The following NRF1 variants were observed in gnomAD, a reference collection of about 807,000 sequenced individuals.
NRF1 encodes the protein nuclear respiratory factor 1, also known as alpha palindromic-binding protein.
Under a neutral mutation model 58.5 loss-of-function variants are expected in NRF1, and 5 were observed. The ratio of observed to expected loss-of-function variants is 0.09; its 90% CI spans 0.04 to 0.18. The LOEUF is 0.18. NRF1 is among the 10% of genes least tolerant of loss of function. The pLI is 1.00. For missense variants in NRF1, 288 were observed against 657.7 expected, an observed-to-expected ratio of 0.44 and a Z score of 6.15; for synonymous variants, 224 against 246.7, an observed-to-expected ratio of 0.91 and a Z score of 0.86.
chr7:129,697,567 G>A (rs1461773751), intron 5 of NRF1, among the ~76,000 whole-genome samples: 3 of 151,834 alleles, frequency 2.0e-5, no homozygotes, highest in African/African-American at 4.8e-5. Context: ...AAAAATTGAG[G>A]CATAAATAGA....
intron 1 of NRF1, among the ~76,000 whole-genome samples, chr7:129,632,149 A>AC (rs1801063338): frequency 6.6e-6 from 1 of 152,068 alleles, no homozygotes; most frequent in Non-Finnish European, 1.5e-5. Context: ...GGTAATGTGC[A>AC]CGTAGTCCCA....
At chr7:129,621,751 T>C (rs1800800851) in intron 1 of NRF1, among the ~76,000 whole-genome samples, 1 of 151,824 alleles carries the variant, frequency 6.6e-6, no homozygotes, top group African/African-American at 2.4e-5. Flanking sequence ...AATTTTTGGC[T>C]CTATTATTTT....
rs116828442 is a variant in NRF1 at position 129,745,111 on chromosome 7, T to C, written c.1349-9907T>C. Among the ~76,000 whole-genome samples, 892 of 152,320 alleles carry C rather than the reference T, an allele frequency of 5.9e-3. 11 individuals carry two copies. Among genetic ancestry groups the C allele is most frequent in the African/African-American group, 0.02 (835 of 41,568 alleles). On this transcript the variant is annotated intron_variant, in intron 10 of 10. Coordinates refer to ENST00000393232, the MANE Select transcript of NRF1 (RefSeq NM_005011.5). ...GCTGTTCATTTCTGCACCTGACTGTTGCAGGCTCCTGGTGACTTTCTTCTT... is the reference window on the plus strand; with the variant it reads ...GCTGTTCATTTCTGCACCTGACTGTCGCAGGCTCCTGGTGACTTTCTTCTT...
At chr7:129,691,492 TTATAGG>T in intron 5 of NRF1, among the ~76,000 whole-genome samples, 1 of 151,580 alleles carries the variant, frequency 6.6e-6, no homozygotes, top group East Asian at 1.9e-4. Context: ...ATAGCTGTGA[TTATAGG>T]TGCGGGCTAC....
chr7:129,670,166 G>A (rs931538566), intron 2 of NRF1, among the ~76,000 whole-genome samples: 13 of 152,228 alleles, frequency 8.5e-5, no homozygotes, highest in Admixed American at 6.5e-4. Flanking sequence ...GAGAATGGTG[G>A]TTGCCAGGGT....
chr7:129,714,229 T>A (rs1225062822), intron 8 of NRF1, among the ~76,000 whole-genome samples: 3 of 152,270 alleles, frequency 2.0e-5, no homozygotes, highest in Non-Finnish European at 2.9e-5. Context: ...CCATGCCATA[T>A]AATTTAACTT....
chr7:129,632,062 G>A (rs891720692), intron 1 of NRF1, among the ~76,000 whole-genome samples: 1 of 152,116 alleles, frequency 6.6e-6, no homozygotes, highest in African/African-American at 2.4e-5. Context: ...ACTGCTTGAG[G>A]CCAGTAGTTC....
intron 2 of NRF1, among the ~76,000 whole-genome samples, chr7:129,668,517 C>T (rs564795853): frequency 1.3e-5 from 2 of 152,282 alleles, no homozygotes; most frequent in East Asian, 3.9e-4. Context: ...TTTATTTGAA[C>T]TGTATTAAAT....
chr7:129,731,611 C>CTTTGTTTGT (rs149586663), intron 10 of NRF1, among the ~76,000 whole-genome samples: 2 of 149,700 alleles, frequency 1.3e-5, no homozygotes, highest in Non-Finnish European at 3.0e-5. Context: ...CCTTCCTTTA[C>CTTTGTTTGT]TTGTTTGTTT....
chr7:129,729,490 C>G (rs543382545), intron 10 of NRF1, among the ~76,000 whole-genome samples: 1 of 152,338 alleles, frequency 6.6e-6, no homozygotes, highest in Admixed American at 6.5e-5. Flanking sequence ...TTGCTGAACT[C>G]AGGCCTTGAG....
chr7:129,641,616 T>G (rs1801290430), intron 1 of NRF1: 1 of 152,226 alleles, frequency 6.6e-6, no homozygotes, highest in Non-Finnish European at 1.5e-5. Flanking sequence ...CTCAAAATGT[T>G]TATGTCTTTT....
At chr7:129,651,306 G>T (rs1402306301) in intron 1 of NRF1, among the ~76,000 whole-genome samples, 3 of 151,822 alleles carry the variant, frequency 2.0e-5, no homozygotes, top group African/African-American at 7.3e-5. Context: ...TGTAATCCTA[G>T]CTACTTGGGA....
intron 10 of NRF1, among the ~76,000 whole-genome samples, chr7:129,743,840 AAATT>A (rs1803905680): frequency 6.6e-6 from 1 of 152,204 alleles, no homozygotes; most frequent in Non-Finnish European, 1.5e-5. Context: ...TAGGGAATAC[AAATT>A]AGTTTTCATA....
chr7:129,754,936 CA>C, intron 10 of NRF1, 81 bp from the exon 11 acceptor site: 1 of 1,409,198 alleles, frequency 7.1e-7, no homozygotes, highest in Non-Finnish European at 9.4e-7. Flanking sequence ...ACCTCAAAGG[CA>C]AGACTTGGGT....
chr7:129,650,638 A>C (rs1801512550), intron 1 of NRF1, among the ~76,000 whole-genome samples: 1 of 152,136 alleles, frequency 6.6e-6, no homozygotes, highest in Admixed American at 6.5e-5. Context: ...AATTAATGTC[A>C]GGCACTTATT....
intron 5 of NRF1, among the ~76,000 whole-genome samples, chr7:129,698,990 T>C (rs1000245489): frequency 1.3e-5 from 2 of 152,202 alleles, no homozygotes; most frequent in Non-Finnish European, 2.9e-5. Flanking sequence ...AGAAGAATCA[T>C]CACTGGAAAG....
intron 1 of NRF1, among the ~76,000 whole-genome samples, chr7:129,646,279 T>C (rs1801403768): frequency 6.6e-6 from 1 of 152,258 alleles, no homozygotes; most frequent in Non-Finnish European, 1.5e-5. Flanking sequence ...CACTTCTTTA[T>C]TGAGGGTATG....
At chr7:129,672,200 C>CTTTTTTT (rs58022845) in intron 3 of NRF1, among the ~76,000 whole-genome samples, 1 of 116,892 alleles carries the variant, frequency 8.6e-6, no homozygotes, top group Non-Finnish European at 1.7e-5. Flanking sequence ...GCCAGGAGAT[C>CTTTTTTT]TTTTTTTTTT....
At chr7:129,634,645 A>C (rs529219431) in intron 1 of NRF1, among the ~76,000 whole-genome samples, 1 of 152,318 alleles carries the variant, frequency 6.6e-6, no homozygotes, top group South Asian at 2.1e-4. Context: ...AACTGCTGTG[A>C]ATATTTATTT....
Sources: allele counts gnomAD v4.1 joint callset (sites outside exome capture counted in the v4.1 genomes callset), GRCh38; gene constraint gnomAD v4.1.1; transcripts MANE v1.5; gene names NCBI Gene and HGNC (gene_info 2026-07-23, HGNC 2026-07-21).